The following CPEB4 variants were observed in gnomAD, a reference collection of about 807,000 sequenced individuals.
The protein encoded by CPEB4 is cytoplasmic polyadenylation element binding protein 4.
CPEB4 carries 12 observed loss-of-function variants against 72.5 expected under a neutral mutation model. That is an observed-to-expected ratio of 0.17 (90% CI 0.11 to 0.27). The LOEUF (loss-of-function observed/expected upper bound fraction) is 0.27. CPEB4 is among the 10% of genes least tolerant of loss of function. The probability of loss-of-function intolerance (pLI) is 1.00; values close to 1 mark genes in which losing one functional copy is unlikely to be tolerated. For synonymous variants in CPEB4, 302 were observed against 326.3 expected, an observed-to-expected ratio of 0.93 and a Z score of 0.80; for missense variants, 614 against 908.5, an observed-to-expected ratio of 0.68 and a Z score of 4.17.
At chr5:173,910,965 A>G (rs1756636012) in intron 2 of CPEB4, 1 of 181,790 alleles carries the variant, frequency 5.5e-6, no homozygotes, top group Non-Finnish European at 1.1e-5. Context: ...ATGTCCCAGG[A>G]ACAGTTCACA....
chr5:173,897,796 T>C, intron 1 of CPEB4, among the ~76,000 whole-genome samples: 1 of 152,338 alleles, frequency 6.6e-6, no homozygotes, highest in Non-Finnish European at 1.5e-5. Flanking sequence ...AAAATTATAA[T>C]GTTTTTGGAA....
chr5:173,903,456 G>T (rs1014186531), intron 1 of CPEB4, among the ~76,000 whole-genome samples: 1 of 152,222 alleles, frequency 6.6e-6, no homozygotes, highest in African/African-American at 2.4e-5. Flanking sequence ...TAACTCCGTG[G>T]TTCTCAAAGA....
At position 173,947,983 on chromosome 5, in the gene CPEB4, C is replaced by T. The variant is rs115121656; in HGVS notation, c.1457-1525C>T. Among the ~76,000 whole-genome samples, 985 of 152,180 alleles carry T rather than the reference C, an allele frequency of 6.5e-3. 8 individuals carry two copies. Among genetic ancestry groups the T allele is most frequent in the African/African-American group, 0.023 (954 of 41,522 alleles). Reference sequence around the variant, plus strand: ...AAGTGCGAAGGACATGGGAGCCTCCCACGCCTAAGGGACACGCAGGACAAA... The same window carrying T: ...AAGTGCGAAGGACATGGGAGCCTCCTACGCCTAAGGGACACGCAGGACAAA... On this transcript the variant is annotated intron_variant, in intron 5 of 9. Transcript: ENST00000265085.
At chr5:173,904,163 A>C (rs571255217) in intron 1 of CPEB4, among the ~76,000 whole-genome samples, 3 of 152,220 alleles carry the variant, frequency 2.0e-5, no homozygotes, top group Admixed American at 6.5e-5. Flanking sequence ...CTGGGTTCAC[A>C]TTCTGCCTCC....
chr5:173,924,115 T>C (rs182898013), intron 2 of CPEB4, among the ~76,000 whole-genome samples: 1 of 152,208 alleles, frequency 6.6e-6, no homozygotes, highest in Non-Finnish European at 1.5e-5. Context: ...ACATATTCCA[T>C]TGACCTCTCC....
In CPEB4 at chr5:173,959,089, T is replaced by G. The variant is rs1357092067; in HGVS notation, c.*2952T>G. 1 of 152,764 alleles carries G rather than the reference T, an allele frequency of 6.5e-6. No homozygotes were observed. The highest frequency in any genetic ancestry group is 1.5e-5 in the Non-Finnish European group (1 of 68,034). The allele number at this position is 152,764 out of a possible 1,614,324, so 9.5% of individuals were successfully genotyped here. ...ACATGTTCTTCAGATTACATGGGAT[T>G]GTAGTTGGGAGTTACCATGTAACTC... On this transcript the variant is annotated 3_prime_UTR_variant, in exon 10 of 10. Transcript: ENST00000265085.
At chr5:173,925,702 A>G (rs573573338) in intron 2 of CPEB4, among the ~76,000 whole-genome samples, 1 of 152,346 alleles carries the variant, frequency 6.6e-6, no homozygotes, top group Admixed American at 6.5e-5. Flanking sequence ...TGGAGTTTGT[A>G]AAAACAGAAG....
intron 2 of CPEB4, among the ~76,000 whole-genome samples, chr5:173,913,864 CTG>C (rs1031390367): frequency 6.6e-6 from 1 of 152,194 alleles, no homozygotes; most frequent in African/African-American, 2.4e-5. Context: ...TCACTACAGT[CTG>C]TGGTGGCTGT....
At chr5:173,910,905 A>G (rs919993484) in intron 2 of CPEB4, 1 of 253,306 alleles carries the variant, frequency 3.9e-6, no homozygotes, top group African/African-American at 2.2e-5. Flanking sequence ...CTCAGGCAAT[A>G]ACTTCTCAGT....
chr5:173,911,391 T>C (rs577299897), intron 2 of CPEB4, among the ~76,000 whole-genome samples: 6 of 151,964 alleles, frequency 3.9e-5, no homozygotes, highest in Admixed American at 6.6e-5. Context: ...GCCTCCCGAG[T>C]AGCTGGGACT....
rs1581102284 is a variant in CPEB4 at position 173,891,007 on chromosome 5, A to C, written c.1125+149A>C. The C allele has an allele frequency of 3.8e-6, 3 of 782,100 alleles. No individual in the cohort carries two copies. In the East Asian group the frequency reaches 8.4e-5, roughly 22 times the overall value. The allele number at this position is 782,100 out of a possible 1,614,324, so 48.4% of individuals were successfully genotyped here. A position where few individuals can be genotyped will look rare whatever the true frequency, so the allele number is the denominator to read the frequency against. ...AATAACCAGACTTTATTTTAGCAGG[A>C]GTGTAATTGGAACAAAATATTCAGC... is the stretch of plus-strand genomic sequence containing the variant. On this transcript the variant is annotated intron_variant, in intron 1 of 9. Transcript: ENST00000265085.
intron 1 of CPEB4, among the ~76,000 whole-genome samples, chr5:173,892,721 T>C (rs1002044093): frequency 6.6e-6 from 1 of 152,180 alleles, no homozygotes; most frequent in Non-Finnish European, 1.5e-5. Flanking sequence ...AATATACATA[T>C]ATGCACATTA....
In CPEB4 at chr5:173,960,912, TGTTA is replaced by T. The variant is rs1333239000; in HGVS notation, c.*4778_*4781del. On this transcript the variant is annotated 3_prime_UTR_variant, in exon 10 of 10. Transcript: ENST00000265085. ...ATGTGGACTACCAAGTGCTGTAATG[TGTTA>T]GTATTTATATTTTAAACTGCATTCT... 2.6e-5 allele frequency: 4 copies of T among 152,330 alleles called. No homozygotes were observed. The highest frequency in any genetic ancestry group is 9.6e-5 in the African/African-American group (4 of 41,574). The allele number at this position is 152,330 out of a possible 1,614,324, so 9.4% of individuals were successfully genotyped here. A position where few individuals can be genotyped will look rare whatever the true frequency, so the allele number is the denominator to read the frequency against.
chr5:173,926,059 A>G (rs563785517), intron 2 of CPEB4, among the ~76,000 whole-genome samples: 44 of 152,318 alleles, frequency 2.9e-4, no homozygotes, highest in Admixed American at 1.6e-3. Context: ...CATGTTGTCA[A>G]CATTGTTGGC....
intron 4 of CPEB4, among the ~76,000 whole-genome samples, chr5:173,943,915 C>T (rs1241804967): frequency 6.6e-6 from 1 of 152,154 alleles, no homozygotes; most frequent in Non-Finnish European, 1.5e-5. Flanking sequence ...TCATGTAGTA[C>T]CTAGAAGTAA....
intron 5 of CPEB4, among the ~76,000 whole-genome samples, chr5:173,946,335 G>A (rs927175574): frequency 6.6e-6 from 1 of 152,086 alleles, no homozygotes; most frequent in Non-Finnish European, 1.5e-5. Context: ...AAAAATTACA[G>A]GGTTTATGGG....
At chr5:173,895,464 G>A (rs1269422561) in intron 1 of CPEB4, among the ~76,000 whole-genome samples, 2 of 152,138 alleles carry the variant, frequency 1.3e-5, no homozygotes. Context: ...TTGTTTGATA[G>A]GGAAACAAGT....
intron 1 of CPEB4, among the ~76,000 whole-genome samples, chr5:173,909,567 AT>A (rs1477667176): frequency 4.6e-5 from 7 of 151,066 alleles, no homozygotes; most frequent in Non-Finnish European, 1.0e-4. Flanking sequence ...AAGGAAGGAG[AT>A]TTTTTTTCAA....
At chr5:173,941,016 C>T (rs1458893075) in intron 3 of CPEB4, among the ~76,000 whole-genome samples, 6 of 152,172 alleles carry the variant, frequency 3.9e-5, no homozygotes, top group Non-Finnish European at 8.8e-5. Context: ...CTTACTATTC[C>T]GGAAATTATT....
Sources: allele counts gnomAD v4.1 joint callset (sites outside exome capture counted in the v4.1 genomes callset), GRCh38; gene constraint gnomAD v4.1.1; transcripts MANE v1.5; gene names NCBI Gene and HGNC (gene_info 2026-07-23, HGNC 2026-07-21).